Variants in AXDND1 observed in about 807,000 individuals in gnomAD.
AXDND1 encodes axonemal dynein light chain domain containing 1.
A neutral mutation model predicts 137.5 loss-of-function variants in AXDND1; 110 were observed. The ratio of observed to expected loss-of-function variants is 0.80; its 90% CI spans 0.69 to 0.94. The LOEUF (loss-of-function observed/expected upper bound fraction) is 0.94, where lower values mean the gene tolerates loss of function less well. Ranked by LOEUF, AXDND1 falls within the 40% of genes least tolerant of loss-of-function variation. The pLI, the probability that AXDND1 is intolerant of heterozygous loss-of-function variation, is 0.00. For missense variants in AXDND1, 1,191 were observed against 1,169.8 expected (o/e 1.02, Z -0.26); for synonymous variants, 414 against 399.7 (o/e 1.04, Z -0.43).
At chr1:179,423,271 G>T (rs1045479512) in intron 12 of AXDND1, among the ~76,000 whole-genome samples, 1 of 150,846 alleles carries the variant, frequency 6.6e-6, no homozygotes, top group African/African-American at 2.4e-5. Flanking sequence ...CTCTCTTTTG[G>T]TTTCCAATTG....
At chr1:179,497,054 C>T (rs1159246569) in intron 20 of AXDND1, among the ~76,000 whole-genome samples, 1 of 152,048 alleles carries the variant, frequency 6.6e-6, no homozygotes, top group Non-Finnish European at 1.5e-5. Flanking sequence ...AGTCAGAGAA[C>T]ATATTTTGTA....
At position 179,432,359 on chromosome 1, in the gene AXDND1, A is replaced by G; in HGVS notation, c.1563+17A>G. The G allele has an allele frequency of 6.4e-7, 1 of 1,553,076 alleles. No homozygotes were observed. Among genetic ancestry groups the G allele is most frequent in the Non-Finnish European group, 8.7e-7 (1 of 1,147,112 alleles). Reference sequence around the variant, plus strand: ...TGGCAGAAGGTAAGACTTTTTAATAAAGAGCTTGGCAATCAAAGTGCTGAT... The same window carrying G: ...TGGCAGAAGGTAAGACTTTTTAATAGAGAGCTTGGCAATCAAAGTGCTGAT... On this transcript the variant is annotated intron_variant, in intron 15 of 25. Coordinates refer to ENST00000367618, the MANE Select transcript of AXDND1 (RefSeq NM_144696.6).
At chr1:179,470,275 C>G (rs986859385) in intron 17 of AXDND1, among the ~76,000 whole-genome samples, 3 of 152,072 alleles carry the variant, frequency 2.0e-5, no homozygotes, top group Non-Finnish European at 2.9e-5. Flanking sequence ...TCTTCTTTTA[C>G]AGGATTATTT....
At chr1:179,377,233 T>C (rs1337960231) in intron 4 of AXDND1, among the ~76,000 whole-genome samples, 2 of 152,174 alleles carry the variant, frequency 1.3e-5, no homozygotes, top group Non-Finnish European at 2.9e-5. Flanking sequence ...CAACTGGCCT[T>C]GAAATTGTAA....
Position 179,533,823 on chromosome 1 carries a change from C to G in AXDND1, c.2744C>G (p.Ala915Gly). 1 of 1,613,068 alleles carries G rather than the reference C, an allele frequency of 6.2e-7. No individual in the cohort carries two copies. Among genetic ancestry groups the G allele is most frequent in the South Asian group, 1.1e-5 (1 of 91,038 alleles). Residue 915 changes from alanine to glycine, a missense_variant, in exon 24 of 26, where the codon GCC (alanine) becomes GGC (glycine). By Grantham distance (60) the Ala-to-Gly change is moderately conservative. Coordinates refer to ENST00000367618, the MANE Select transcript of AXDND1 (RefSeq NM_144696.6). Reference protein sequence around the residue: ...WRESAKQGTLAQKYLEAMAVI... With the variant: ...WRESAKQGTLGQKYLEAMAVI... ...GAGTCAGCTAAGCAAGGTACATTGG[C>G]CCAAAAATATCTTGAAGCAATGGCT...
At chr1:179,446,845 T>A (rs919403430) in intron 16 of AXDND1, among the ~76,000 whole-genome samples, 6 of 151,068 alleles carry the variant, frequency 4.0e-5, no homozygotes, top group African/African-American at 1.5e-4. Context: ...TTAAACAGAA[T>A]AAATAAGTCA....
At chr1:179,511,833 A>G (rs1669092802) in intron 21 of AXDND1, among the ~76,000 whole-genome samples, 2 of 151,644 alleles carry the variant, frequency 1.3e-5, no homozygotes, top group African/African-American at 4.8e-5. Context: ...GCTTTTTTTC[A>G]TATATTTGTT....
chr1:179,503,940 C>A (rs1032930416), intron 20 of AXDND1, among the ~76,000 whole-genome samples: 2 of 152,108 alleles, frequency 1.3e-5, no homozygotes, highest in South Asian at 2.1e-4. Flanking sequence ...TTTCACATAG[C>A]TACTAATGTC....
chr1:179,549,269 G>A (rs1225393343), intron 25 of AXDND1, among the ~76,000 whole-genome samples: 3 of 152,114 alleles, frequency 2.0e-5, no homozygotes, highest in African/African-American at 7.2e-5. Context: ...TTTTACCTTT[G>A]ACTATCCACT....
At chr1:179,532,501 C>G (rs190005575) in intron 23 of AXDND1, among the ~76,000 whole-genome samples, 46 of 152,266 alleles carry the variant, frequency 3.0e-4, no homozygotes, top group Non-Finnish European at 2.1e-4. Flanking sequence ...ATAGTGTGTA[C>G]TTTCCAAACA....
intron 25 of AXDND1, chr1:179,544,629 G>A (rs3754133): frequency 0.23 from 32,058 of 137,576 alleles, 3,795 homozygotes; most frequent in Middle Eastern, 0.3. Flanking sequence ...AGCTCAGATC[G>A]CGCCACTGCA....
At chr1:179,487,270 C>G (rs1404371257) in intron 18 of AXDND1, among the ~76,000 whole-genome samples, 1 of 148,142 alleles carries the variant, frequency 6.8e-6, no homozygotes, top group Non-Finnish European at 1.5e-5. Context: ...TTCATTTTAC[C>G]TGTGCTGCTT....
intron 8 of AXDND1, among the ~76,000 whole-genome samples, chr1:179,384,765 C>G (rs1571578049): frequency 1.3e-5 from 2 of 150,836 alleles, no homozygotes; most frequent in East Asian, 3.9e-4. Flanking sequence ...AAAGAGGCAC[C>G]AATTTTTTTT....
intron 20 of AXDND1, among the ~76,000 whole-genome samples, chr1:179,498,099 A>G (rs1667635203): frequency 6.6e-6 from 1 of 152,174 alleles, no homozygotes; most frequent in African/African-American, 2.4e-5. Context: ...CAGTTTATAA[A>G]TTCGGTTCTA....
intron 18 of AXDND1, among the ~76,000 whole-genome samples, chr1:179,488,636 T>C (rs1471343890): frequency 6.6e-5 from 3 of 45,612 alleles, no homozygotes; most frequent in African/African-American, 3.4e-4. Flanking sequence ...CTCTCTCTCC[T>C]TTCTTTCTTT....
chr1:179,442,672 G>A (rs543020889), intron 15 of AXDND1, among the ~76,000 whole-genome samples: 4 of 152,178 alleles, frequency 2.6e-5, no homozygotes, highest in African/African-American at 4.8e-5. Flanking sequence ...CACTGCTCTC[G>A]GTACCTCTTT....
intron 25 of AXDND1, among the ~76,000 whole-genome samples, chr1:179,547,285 C>G (rs1282729562): frequency 6.6e-6 from 1 of 152,180 alleles, no homozygotes; most frequent in East Asian, 1.9e-4. Flanking sequence ...TGATATGAAG[C>G]TGTGTCTAGG....
intron 11 of AXDND1, among the ~76,000 whole-genome samples, chr1:179,407,685 A>C (rs977029389): frequency 6.6e-6 from 1 of 152,268 alleles, no homozygotes; most frequent in South Asian, 2.1e-4. Flanking sequence ...GACTTCTGAC[A>C]GTTTGACTGT....
chr1:179,443,144 T>C (rs1659247903), intron 15 of AXDND1, among the ~76,000 whole-genome samples: 1 of 152,176 alleles, frequency 6.6e-6, no homozygotes, highest in South Asian at 2.1e-4. Flanking sequence ...AGCAAACCTT[T>C]TGGTGGCAGG....
Sources: gnomAD v4.1 joint callset for allele counts (sites outside exome capture counted in the v4.1 genomes callset) on GRCh38, gnomAD v4.1.1 for gene constraint, MANE v1.5 for transcripts, NCBI Gene and HGNC (gene_info 2026-07-23, HGNC 2026-07-21) for gene names.